Variants in RCOR2 observed in about 807,000 individuals in gnomAD.
RCOR2 encodes REST corepressor 2.
RCOR2 carries 19 observed loss-of-function variants against 58.9 expected under a neutral mutation model. That is an observed-to-expected ratio of 0.32 (90% CI 0.23 to 0.47). The LOEUF is 0.47. Among genes scored for constraint, RCOR2 ranks in the 20% least tolerant of loss-of-function variants. The pLI is 1.00. For missense variants in RCOR2, 590 were observed against 707.9 expected, an observed-to-expected ratio of 0.83 and a Z score of 1.89; for synonymous variants, 286 against 278.7, an observed-to-expected ratio of 1.03 and a Z score of -0.26.
Position 63,914,156 on chromosome 11 carries a change from C to T in RCOR2, c.689G>A (p.Arg230Gln), listed in dbSNP as rs370485478. 53 of 1,613,570 alleles carry T rather than the reference C, an allele frequency of 3.3e-5. 1 individual carries two copies. Among genetic ancestry groups the T allele is most frequent in the Admixed American group, 1.7e-5 (1 of 60,002 alleles). Residue 230 changes from arginine to glutamine, a missense_variant, in exon 8 of 12, where the codon CGG becomes CAG. By Grantham distance (43) the Arg-to-Gln change is conservative. Around this residue, in one of 3 missense-constraint regions of RCOR2, gnomAD observed 390 missense variants for 478.7 expected, o/e 0.81. Coordinates refer to ENST00000301459, the MANE Select transcript of RCOR2 (RefSeq NM_173587.4). The part of the protein sequence containing the change: ...ADPKREPLPS[R>Q]PLNARPGPGK... ...AGGGCCTGGGCGTGCATTCAGGGGC[C>T]GAGAGGGTAGAGGCTGCCAGTGAAA...
At chr11:63,913,117 GCTGGGGTTCTCCC>G (rs1195386133) in intron 8 of RCOR2, among the ~76,000 whole-genome samples, 170 bp from the exon 9 acceptor site, 1 of 149,714 alleles carries the variant, frequency 6.7e-6, no homozygotes, top group Non-Finnish European at 1.5e-5. Flanking sequence ...TAGGGGAGCC[GCTGGGGTTCTCCC>G]CTTTCTGCAG....
chr11:63,915,592 TC>T lies in RCOR2; in HGVS notation c.146del (p.Gly49GlufsTer7). ...EHSHDSMIRV[G>X]TNYQAVIPEC... ...CCGGAATTACGGCCTGGTAATTGGT[TC>T]CAACGCGGATCATGCTGTCTGTGGA... On this transcript the variant is annotated frameshift_variant, in exon 2 of 12. Coordinates refer to ENST00000301459, the MANE Select transcript of RCOR2 (RefSeq NM_173587.4). LOFTEE classifies it high-confidence loss of function. The T allele has an allele frequency of 7.4e-7, 1 of 1,344,144 alleles. No individual in the cohort carries two copies. Among genetic ancestry groups the T allele is most frequent in the Non-Finnish European group, 9.8e-7 (1 of 1,022,874 alleles). 83.3% of individuals were successfully genotyped at this position (1,344,144 alleles called of 1,614,324 possible).
At position 63,911,977 on chromosome 11, in the gene RCOR2, G is replaced by C. The variant is rs565254520; in HGVS notation, c.1460C>G (p.Pro487Arg). ...QPRLAPNQPP[P>R]PLIRPALAAP... ...AGCCAGAGCGGGGCGGATGAGAGGCGGTGGGGGCTGGTTGGGGGCCAGCCG... is the reference window on the plus strand; with the variant it reads ...AGCCAGAGCGGGGCGGATGAGAGGCCGTGGGGGCTGGTTGGGGGCCAGCCG... Residue 487 changes from proline to arginine, a missense_variant, in exon 12 of 12, where the codon CCG becomes CGG. Transcript: ENST00000301459. The C allele has an allele frequency of 7.5e-7, 1 of 1,329,890 alleles. No homozygotes were observed. Among genetic ancestry groups the C allele is most frequent in the Admixed American group, 2.9e-5 (1 of 34,450 alleles). 82.4% of individuals were successfully genotyped at this position (1,329,890 alleles called of 1,614,324 possible).
intron 3 of RCOR2, 74 bp from the exon 4 acceptor site, chr11:63,915,028 C>A: frequency 6.3e-7 from 1 of 1,591,708 alleles, no homozygotes. Flanking sequence ...CAGAAAGGGA[C>A]CACCCCACAA....
chr11:63,917,679 A>G (rs561196902), upstream of RCOR2, among the ~76,000 whole-genome samples: 1 of 152,304 alleles, frequency 6.6e-6, no homozygotes, highest in Admixed American at 6.5e-5. Context: ...ACCCAGCCAG[A>G]GGCTGGCTTC....
At chr11:63,920,364 C>A (rs1941908230), upstream of RCOR2, among the ~76,000 whole-genome samples, 1 of 152,218 alleles carries the variant, frequency 6.6e-6, no homozygotes, top group Non-Finnish European at 1.5e-5. Context: ...ATCCGGCCTC[C>A]CCTTGCCGCT....
intron 10 of RCOR2, 40 bp from the exon 11 acceptor site, chr11:63,912,574 G>A (rs761142134): frequency 1.5e-5 from 24 of 1,588,308 alleles, no homozygotes; most frequent in Admixed American, 3.3e-5. Context: ...ATACCCCTTC[G>A]AACTAGTTAC....
the RCOR2 span, among the ~76,000 whole-genome samples, chr11:63,927,420 C>T: frequency 6.6e-6 from 1 of 152,112 alleles, no homozygotes; most frequent in African/African-American, 2.4e-5. Flanking sequence ...CAGGTGTGTG[C>T]CACCACACCC....
chr11:63,926,561 A>T, the RCOR2 span, among the ~76,000 whole-genome samples: 1 of 145,068 alleles, frequency 6.9e-6, no homozygotes, highest in Non-Finnish European at 1.5e-5. Flanking sequence ...ATCTCGGCTC[A>T]CCACAACCTC....
intron 1 of RCOR2, 101 bp from the exon 2 acceptor site, chr11:63,915,712 A>T (rs1941847516): frequency 2.9e-6 from 3 of 1,046,598 alleles, no homozygotes; most frequent in Non-Finnish European, 4.3e-6. Flanking sequence ...CTCCTTCCTG[A>T]CCACCCAGGG....
In RCOR2 at chr11:63,912,411, T is replaced by C. The variant is rs763264638; in HGVS notation, c.1151A>G (p.Gln384Arg). 1 of 1,613,888 alleles carries C rather than the reference T, an allele frequency of 6.2e-7. No individual in the cohort carries two copies. Among genetic ancestry groups the C allele is most frequent in the Non-Finnish European group, 8.5e-7 (1 of 1,179,962 alleles). The stretch of plus-strand genomic sequence containing the variant: ...CCCATCCTGCTCAGCCTCCCATTCC[T>C]GCAGCACCTCCTCCAGATTGAAGCG... ...RRRFNLEEVL[Q>R]EWEAEQDGAP... The change falls in exon 11 of 12, where the codon CAG (glutamine) becomes CGG (arginine). Residue 384 changes from glutamine to arginine, a missense_variant. Gln to Arg is a conservative substitution (Grantham distance 43, BLOSUM62 1). Transcript: ENST00000301459.
Position 63,911,847 on chromosome 11 carries a change from G to A in RCOR2, c.*18C>T. ...CAAAGGGGTCCTGGAGCCCGTGGTT[G>A]GTGGAGGACGTCAGGGCTCAGAGTG... is the stretch of plus-strand genomic sequence containing the variant. On this transcript the variant is annotated 3_prime_UTR_variant, in exon 12 of 12. Coordinates refer to ENST00000301459, the MANE Select transcript of RCOR2 (RefSeq NM_173587.4). 1.3e-6 allele frequency: 2 copies of A among 1,483,690 alleles called. No homozygotes were observed. The highest frequency in any genetic ancestry group is 1.8e-6 in the Non-Finnish European group (2 of 1,129,010). 91.9% of individuals were successfully genotyped at this position (1,483,690 alleles called of 1,614,324 possible).
intron 1 of RCOR2, 107 bp downstream of exon 1, chr11:63,916,223 C>T (rs965870480): frequency 3.0e-6 from 3 of 1,009,572 alleles, no homozygotes; most frequent in Admixed American, 2.4e-5. Context: ...CCAGGAGAGG[C>T]AGGAGCCATC....
rs766645762 is a variant in RCOR2, at chr11:63,914,089, G to A, written c.756C>T (p.Pro252=). The A allele has an allele frequency of 1.2e-6, 2 of 1,613,864 alleles. No homozygotes were observed. Among genetic ancestry groups the A allele is most frequent in the Non-Finnish European group, 1.7e-6 (2 of 1,180,038 alleles). The part of the protein sequence containing the change: ...EVQVSQYRHH[P]LRTRRRPPKG... ...TGGGTGGGCGACGCCGGGTTCGCAA[G>A]GGATGGTGGCGGTACTGAGACACCT... is the stretch of plus-strand genomic sequence containing the variant. Residue 252 remains proline, a synonymous_variant, in exon 8 of 12, where the codon CCC becomes CCT. Transcript: ENST00000301459.
chr11:63,925,737 G>A, the RCOR2 span, among the ~76,000 whole-genome samples: 1 of 150,642 alleles, frequency 6.6e-6, no homozygotes, highest in Non-Finnish European at 1.5e-5. Context: ...AGGATCGCTT[G>A]AACCCAGAAG....
rs923881763 is a variant in RCOR2, at chr11:63,915,254, G to A, written c.189C>T (p.Ser63=). 4.5e-6 allele frequency: 7 copies of A among 1,551,202 alleles called. No individual in the cohort carries two copies. In the African/African-American group the frequency reaches 9.6e-5, roughly 21 times the overall value. ...GCTCCTTGTTGCTGTAGCGTGCGGG[G>A]CTCTCTGAAAGGCCGAGGAGCAGGA... The part of the protein sequence containing the change: ...QAVIPECKPE[S]PARYSNKELK... The change falls in exon 3 of 12, where the codon AGC becomes AGT. Residue 63 remains serine (S), a synonymous_variant. Transcript: ENST00000301459.
chr11:63,913,182 A>ATTTTTT (rs1191861588), intron 8 of RCOR2, among the ~76,000 whole-genome samples: 7 of 81,692 alleles, frequency 8.6e-5, no homozygotes, highest in African/African-American at 1.7e-4. Context: ...ATATATATAT[A>ATTTTTT]TATTTTTTTT....
chr11:63,927,312 C>G, the RCOR2 span, among the ~76,000 whole-genome samples: 1 of 151,976 alleles, frequency 6.6e-6, no homozygotes, highest in Non-Finnish European at 1.5e-5. Flanking sequence ...ATTGAGTCAC[C>G]CAGGCTGGAG....
chr11:63,916,967 C>CTGG lies in RCOR2; in HGVS notation c.-512_-511insCCA, dbSNP rs1554991687. Reference sequence around the variant, plus strand: ...CCCGCGACGGCAGCCGGCCGGGGCACCGGCGGCGGCGGCGGCGGCGACGGC... The same window carrying CTGG: ...CCCGCGACGGCAGCCGGCCGGGGCACTGGCGGCGGCGGCGGCGGCGGCGACGGC... On this transcript the variant is annotated 5_prime_UTR_variant, in exon 1 of 12. Coordinates refer to ENST00000301459, the MANE Select transcript of RCOR2 (RefSeq NM_173587.4). 6.8e-6 allele frequency: 1 copy of CTGG among 147,030 alleles called. No homozygotes were observed. Among genetic ancestry groups the CTGG allele is most frequent in the Non-Finnish European group, 1.5e-5 (1 of 65,842 alleles). The allele number at this position is 147,030 out of a possible 1,614,324, so 9.1% of individuals were successfully genotyped here.
Sources: gnomAD v4.1 joint callset for allele counts (sites outside exome capture counted in the v4.1 genomes callset) on GRCh38, gnomAD v4.1.1 for gene constraint, gnomAD v4.1.1 regional missense constraint, MANE v1.5 for transcripts, NCBI Gene and HGNC (gene_info 2026-07-23, HGNC 2026-07-21) for gene names.